Variants in ERC2 observed in about 807,000 individuals in gnomAD.
ERC2 encodes ERC protein 2.
ERC2 carries 42 observed loss-of-function variants against 114.8 expected under a neutral mutation model. That is an observed-to-expected ratio of 0.37 (90% CI 0.29 to 0.47). The LOEUF is 0.47. Ranked by LOEUF, ERC2 falls within the 20% of genes least tolerant of loss-of-function variation. ERC2 has a pLI of 0.99. For synonymous variants in ERC2, 454 were observed against 425.5 expected (o/e 1.07, Z -0.82); for missense variants, 939 against 1,150.7 (o/e 0.82, Z 2.66).
At position 55,514,629 on chromosome 3, in the gene ERC2, G is replaced by A. The variant is rs369509685; in HGVS notation, c.*40-3353C>T. ...GGCAAGGACCTGAGAGCTTCCTATA[G>A]GATGTGAGAATGTCACCCAGGTGAC... On this transcript the variant is annotated intron_variant, in intron 17 of 17. Coordinates refer to ENST00000288221, the MANE Select transcript of ERC2 (RefSeq NM_015576.3). Among the ~76,000 whole-genome samples, 151 of 152,280 alleles carry A rather than the reference G, an allele frequency of 9.9e-4. 3 individuals are homozygous for A. The South Asian group carries it at 0.031, about 31-fold the overall frequency.
chr3:55,585,060 C>G (rs1468961476), intron 17 of ERC2, among the ~76,000 whole-genome samples: 1 of 152,228 alleles, frequency 6.6e-6, no homozygotes, highest in Non-Finnish European at 1.5e-5. Flanking sequence ...AAGCGAGGCT[C>G]TTTCGGGCAG....
At chr3:56,135,551 T>C (rs2080457797) in intron 6 of ERC2, among the ~76,000 whole-genome samples, 1 of 152,192 alleles carries the variant, frequency 6.6e-6, no homozygotes, top group South Asian at 2.1e-4. Context: ...TTTATAGCTG[T>C]AACCCTTGAC....
intron 14 of ERC2, among the ~76,000 whole-genome samples, chr3:55,758,780 C>T (rs1016317760): frequency 3.3e-5 from 5 of 152,094 alleles, no homozygotes; most frequent in Admixed American, 6.5e-5. Flanking sequence ...GCTCAAACTG[C>T]GTAACGTTTT....
chr3:55,576,911 C>T (rs1194389550), intron 17 of ERC2, among the ~76,000 whole-genome samples: 2 of 152,378 alleles, frequency 1.3e-5, no homozygotes, highest in East Asian at 1.9e-4. Flanking sequence ...TTCCTGAGCC[C>T]TGTTCAGAGT....
At chr3:55,592,571 C>A (rs547334334) in intron 17 of ERC2, among the ~76,000 whole-genome samples, 3 of 152,238 alleles carry the variant, frequency 2.0e-5, no homozygotes, top group Admixed American at 6.5e-5. Flanking sequence ...TTATCTGGAA[C>A]CTGTTTTTCA....
At chr3:55,889,295 C>G (rs1371035065) in intron 13 of ERC2, among the ~76,000 whole-genome samples, 2 of 152,196 alleles carry the variant, frequency 1.3e-5, no homozygotes, top group African/African-American at 2.4e-5. Context: ...GAGTCCCTCT[C>G]ACCTCACCTC....
At chr3:55,917,027 A>C (rs949236132) in intron 13 of ERC2, among the ~76,000 whole-genome samples, 4 of 152,204 alleles carry the variant, frequency 2.6e-5, no homozygotes, top group Non-Finnish European at 5.9e-5. Flanking sequence ...ATTATTATAA[A>C]AACAAGATAT....
intron 15 of ERC2, among the ~76,000 whole-genome samples, chr3:55,708,943 G>T (rs2063627302): frequency 7.4e-6 from 1 of 135,120 alleles, no homozygotes; most frequent in South Asian, 2.4e-4. Flanking sequence ...AGGAAGGAGA[G>T]AGGAAAGACA....
intron 14 of ERC2, among the ~76,000 whole-genome samples, chr3:55,848,350 C>T (rs1331803288): frequency 6.6e-6 from 1 of 152,202 alleles, no homozygotes; most frequent in Non-Finnish European, 1.5e-5. Flanking sequence ...CCACCAGGAT[C>T]TATCTCCACC....
chr3:56,314,267 T>C (rs192256656), intron 2 of ERC2, among the ~76,000 whole-genome samples: 2 of 152,226 alleles, frequency 1.3e-5, no homozygotes. Flanking sequence ...TGGCAGGTTA[T>C]TTTCGCTAAA....
At chr3:56,045,151 A>T (rs1162567883) in intron 7 of ERC2, among the ~76,000 whole-genome samples, 1 of 152,208 alleles carries the variant, frequency 6.6e-6, no homozygotes, top group Non-Finnish European at 1.5e-5. Context: ...TTTAGTTGGC[A>T]TAAAGTTTTA....
chr3:56,074,786 C>T (rs567248068), intron 7 of ERC2, among the ~76,000 whole-genome samples: 5 of 152,238 alleles, frequency 3.3e-5, no homozygotes, highest in African/African-American at 9.6e-5. Flanking sequence ...CAGAACATAC[C>T]GTGCTGGGAA....
chr3:55,744,585 C>T (rs115327814), intron 14 of ERC2, among the ~76,000 whole-genome samples: 2,049 of 152,244 alleles, frequency 0.013, 48 homozygotes, highest in African/African-American at 0.046. Flanking sequence ...AGACCGATTG[C>T]GGGCCACCGC....
At chr3:55,568,581 C>T (rs2056517782) in intron 17 of ERC2, among the ~76,000 whole-genome samples, 1 of 152,138 alleles carries the variant, frequency 6.6e-6, no homozygotes. Flanking sequence ...CTTGAAAACC[C>T]ATCCAAAATC....
At chr3:55,877,255 T>C (rs1221592643) in intron 14 of ERC2, among the ~76,000 whole-genome samples, 1 of 152,136 alleles carries the variant, frequency 6.6e-6, no homozygotes, top group African/African-American at 2.4e-5. Flanking sequence ...TGACCAAAAA[T>C]GTCTCCAGAC....
chr3:55,939,954 G>A (rs2066681079), intron 13 of ERC2, among the ~76,000 whole-genome samples: 1 of 152,190 alleles, frequency 6.6e-6, no homozygotes, highest in African/African-American at 2.4e-5. Context: ...AACAAAATGT[G>A]TTAGTGCACA....
intron 12 of ERC2, among the ~76,000 whole-genome samples, chr3:55,965,516 GTTC>G (rs1310438751): frequency 6.6e-6 from 1 of 152,010 alleles, no homozygotes; most frequent in Non-Finnish European, 1.5e-5. Flanking sequence ...TTGTGTTTGT[GTTC>G]TTCTTTCTAA....
At chr3:56,393,762 C>A (rs1033371588) in intron 2 of ERC2, among the ~76,000 whole-genome samples, 5 of 151,982 alleles carry the variant, frequency 3.3e-5, no homozygotes, top group African/African-American at 1.2e-4. Context: ...TTCTTTTTCC[C>A]AAATCAAACA....
chr3:56,460,496 C>T (rs146517373), intron 1 of ERC2, among the ~76,000 whole-genome samples: 2 of 152,162 alleles, frequency 1.3e-5, no homozygotes, highest in African/African-American at 2.4e-5. Context: ...GTCTCAGTTT[C>T]CTCACCTATA....
Sources: gnomAD v4.1 joint callset for allele counts (sites outside exome capture counted in the v4.1 genomes callset) on GRCh38, gnomAD v4.1.1 for gene constraint, MANE v1.5 for transcripts, NCBI Gene and HGNC (gene_info 2026-07-23, HGNC 2026-07-21) for gene names.